Variants in F13B observed in about 807,000 individuals in gnomAD.
F13B encodes TGase.
Under a neutral mutation model 79.8 loss-of-function variants are expected in F13B, and 58 were observed. The observed-to-expected ratio is 0.73, with a 90% CI of 0.59 to 0.90. The LOEUF is 0.90. Among genes scored for constraint, F13B ranks in the 40% least tolerant of loss-of-function variants. The pLI, the probability that F13B is intolerant of heterozygous loss-of-function variation, is 0.00. For missense variants in F13B, 773 were observed against 777.0 expected (o/e 0.99, Z 0.06); for synonymous variants, 283 against 260.3 (o/e 1.09, Z -0.84).
chr1:197,052,719 A>G lies in F13B; in HGVS notation c.1470T>C (p.Tyr490=). The stretch of plus-strand genomic sequence containing the variant: ...ACAATGGGGTTAATGGAGATAAGTC[A>G]TATCCCTGTTTACATACAAAATCTA... ...DLIDFVCKQG[Y]DLSPLTPLSE... Residue 490 remains tyrosine, a synonymous_variant, in exon 9 of 12, where the codon TAT becomes TAC. Transcript: ENST00000367412. 1.2e-6 allele frequency: 2 copies of G among 1,612,178 alleles called. No individual in the cohort carries two copies. Among genetic ancestry groups the G allele is most frequent in the East Asian group, 4.5e-5 (2 of 44,702 alleles).
chr1:197,050,606 G>T, intron 10 of F13B, 91 bp downstream of exon 10: 1 of 1,065,074 alleles, frequency 9.4e-7, no homozygotes, highest in Non-Finnish European at 1.4e-6. Context: ...AGCAAATATA[G>T]CATTATATTA....
rs1654951275 is a variant in F13B, at chr1:197,039,325, A to T, written c.*53T>A. On this transcript the variant is annotated 3_prime_UTR_variant, in exon 12 of 12. Transcript: ENST00000367412. ...ACTTATTTCCTCAAAATTATATTTT[A>T]TAAGGAATTTCATGATGTATTGAAA... 1.4e-6 allele frequency: 2 copies of T among 1,435,306 alleles called. No homozygotes were observed. Among genetic ancestry groups the T allele is most frequent in the Non-Finnish European group, 2.0e-6 (2 of 1,025,450 alleles). 88.9% of individuals were successfully genotyped at this position (1,435,306 alleles called of 1,614,324 possible).
chr1:197,056,791 TTTTG>T (rs1233047544), intron 7 of F13B, among the ~76,000 whole-genome samples: 2 of 152,294 alleles, frequency 1.3e-5, no homozygotes, highest in African/African-American at 4.8e-5. Flanking sequence ...CAAAAAAAAC[TTTTG>T]TTTAAGAATT....
chr1:197,060,490 T>A lies in F13B; in HGVS notation c.681A>T (p.Val227=). 1 of 1,606,554 alleles carries A rather than the reference T, an allele frequency of 6.2e-7. No individual in the cohort carries two copies. The highest frequency in any genetic ancestry group is 8.5e-7 in the Non-Finnish European group (1 of 1,175,678). Residue 227 remains valine (V), a synonymous_variant, in exon 5 of 12, where the codon GTA becomes GTT. Transcript: ENST00000367412. ...RLIENGYFHP[V]KQTYEEGDVV... ...CATCTCCTTCTTCATAGGTTTGCTTTACAGGATGAAAATAACCATTTTCAA... is the reference window on the plus strand; with the variant it reads ...CATCTCCTTCTTCATAGGTTTGCTTAACAGGATGAAAATAACCATTTTCAA...
chr1:197,066,233 T>C (rs1247931250), intron 1 of F13B, among the ~76,000 whole-genome samples: 1 of 152,160 alleles, frequency 6.6e-6, no homozygotes, highest in African/African-American at 2.4e-5. Context: ...ATTATAGATG[T>C]TTTGGTAGAA....
chr1:197,044,921 C>T (rs1166454937), intron 10 of F13B, among the ~76,000 whole-genome samples: 3 of 151,780 alleles, frequency 2.0e-5, no homozygotes, highest in Admixed American at 1.3e-4. Context: ...AGATAAATAA[C>T]GAAATGAAGG....
At chr1:197,050,640 C>T in intron 10 of F13B, 57 bp downstream of exon 10, 1 of 1,489,848 alleles carries the variant, frequency 6.7e-7, no homozygotes, top group Non-Finnish European at 9.3e-7. Context: ...TCAAAAATGA[C>T]AGCAAATTAA....
chr1:197,040,563 G>A lies in F13B; in HGVS notation c.1911C>T (p.Asp637=), dbSNP rs2125051833. Residue 637 remains aspartate (D), a synonymous_variant, in exon 11 of 12, where the codon GAC becomes GAT. Coordinates refer to ENST00000367412, the MANE Select transcript of F13B (RefSeq NM_001994.3). The part of the protein sequence containing the change: ...ITGSILRMQC[D]RGQLKYPRCI... The stretch of plus-strand genomic sequence containing the variant: ...ATCTTGGATATTTTAACTGCCCTCT[G>A]TCACATTGCATTCTAAGTATAGATC... 6.2e-7 allele frequency: 1 copy of A among 1,612,038 alleles called. No homozygotes were observed. The highest frequency in any genetic ancestry group is 1.7e-4 in the Middle Eastern group (1 of 5,908).
Position 197,059,772 on chromosome 1 carries a change from T to G in F13B, c.805+594A>C, listed in dbSNP as rs570417272. On this transcript the variant is annotated intron_variant, in intron 5 of 11. Coordinates refer to ENST00000367412, the MANE Select transcript of F13B (RefSeq NM_001994.3). Reference sequence around the variant, plus strand: ...ATCTTCTGCTAGTATAGGACCCTCCTCATATTAAATTGTAGGTTTGTTTAA... The same window carrying G: ...ATCTTCTGCTAGTATAGGACCCTCCGCATATTAAATTGTAGGTTTGTTTAA... 3.3e-5 allele frequency among the ~76,000 whole-genome samples: 5 copies of G among 152,292 alleles called. No homozygotes were observed. In the South Asian group the frequency reaches 1.0e-3, roughly 32 times the overall value.
chr1:197,057,565 G>T, intron 5 of F13B, 100 bp from the exon 6 acceptor site: 1 of 1,246,916 alleles, frequency 8.0e-7, no homozygotes. Context: ...TAGAGAGAAT[G>T]GCAGACTGAT....
At chr1:197,042,146 A>G (rs2125053388) in intron 10 of F13B, among the ~76,000 whole-genome samples, 1 of 152,340 alleles carries the variant, frequency 6.6e-6, no homozygotes, top group South Asian at 2.1e-4. Context: ...AGCTGAGAGC[A>G]CTGTGTTCAG....
Position 197,052,817 on chromosome 1 carries a change from C to A in F13B, c.1372G>T (p.Val458Leu). ...ATGTTATTTCTGTTCATGTAATCCA[C>A]ATTAACAGTACATGGTTCTGTAAAA... ...PVCLEPCTVN[V>L]DYMNRNNIEM... The change falls in exon 9 of 12, where the codon GTG becomes TTG. Residue 458 changes from valine (V) to leucine (L), a missense_variant. Transcript: ENST00000367412. 1 of 1,609,132 alleles carries A rather than the reference C, an allele frequency of 6.2e-7. No individual in the cohort carries two copies. Among genetic ancestry groups the A allele is most frequent in the Admixed American group, 1.7e-5 (1 of 59,828 alleles).
chr1:197,041,197 C>T (rs1655024897), intron 10 of F13B, among the ~76,000 whole-genome samples: 1 of 152,082 alleles, frequency 6.6e-6, no homozygotes, highest in African/African-American at 2.4e-5. Flanking sequence ...AGATTCTCAA[C>T]ACTGACCCAA....
intron 9 of F13B, among the ~76,000 whole-genome samples, chr1:197,052,064 T>C (rs982970360): frequency 6.6e-6 from 1 of 152,194 alleles, no homozygotes; most frequent in African/African-American, 2.4e-5. Context: ...CTCATCGCAA[T>C]TGCTTTTGGC....
At chr1:197,040,389 A>C in intron 11 of F13B, 133 bp downstream of exon 11, 1 of 659,074 alleles carries the variant, frequency 1.5e-6, no homozygotes, top group Non-Finnish European at 2.6e-6. Flanking sequence ...TGTAAAAAAA[A>C]TGAAGAAAAT....
intron 10 of F13B, among the ~76,000 whole-genome samples, chr1:197,046,209 A>G (rs1655224102): frequency 6.6e-6 from 1 of 152,194 alleles, no homozygotes; most frequent in East Asian, 1.9e-4. Context: ...AAATTAGGAA[A>G]AGAGGAATTC....
intron 1 of F13B, 41 bp from the exon 2 acceptor site, chr1:197,063,098 T>C: frequency 6.4e-7 from 1 of 1,551,172 alleles, no homozygotes; most frequent in Non-Finnish European, 8.9e-7. Context: ...GAAAAACAAA[T>C]CTAAAAACAT....
rs1558300779 is a variant in F13B, at chr1:197,038,853, T to TA, written c.*524dup. Reference sequence around the variant, plus strand: ...ATTTGGTTATTAACGTTGTAGCAAATATTACAGTTAATTTTAAAAGTTTTT... The same window carrying TA: ...ATTTGGTTATTAACGTTGTAGCAAATAATTACAGTTAATTTTAAAAGTTTTT... On this transcript the variant is annotated 3_prime_UTR_variant, in exon 12 of 12. Transcript: ENST00000367412. Among the ~76,000 whole-genome samples, 1 of 152,026 alleles carries TA rather than the reference T, an allele frequency of 6.6e-6. No individual in the cohort carries two copies. Among genetic ancestry groups the TA allele is most frequent in the Non-Finnish European group, 1.5e-5 (1 of 67,982 alleles).
intron 2 of F13B, 100 bp downstream of exon 2, chr1:197,062,755 TAC>T (rs1655908416): frequency 1.9e-6 from 2 of 1,053,376 alleles, no homozygotes; most frequent in African/African-American, 3.2e-5. Context: ...TGTTCTTATC[TAC>T]TAAAAGGTTT....
Sources: allele counts gnomAD v4.1 joint callset (sites outside exome capture counted in the v4.1 genomes callset), GRCh38; gene constraint gnomAD v4.1.1; transcripts MANE v1.5; gene names NCBI Gene and HGNC (gene_info 2026-07-23, HGNC 2026-07-21).